Variants in ZSCAN20 observed in about 807,000 individuals in gnomAD.
ZSCAN20 encodes the protein zinc finger and SCAN domain containing 20.
Under a neutral mutation model 97.1 loss-of-function variants are expected in ZSCAN20, and 39 were observed. The observed-to-expected ratio is 0.40, with a 90% CI of 0.31 to 0.52. ZSCAN20 has a LOEUF of 0.52. Among genes scored for constraint, ZSCAN20 ranks in the 20% least tolerant of loss-of-function variants. The probability of loss-of-function intolerance (pLI) is 0.49; values close to 1 mark genes in which losing one functional copy is unlikely to be tolerated. For synonymous variants in ZSCAN20, 456 were observed against 467.3 expected (o/e 0.98, Z 0.31); for missense variants, 1,115 against 1,290.4 (o/e 0.86, Z 2.08).
rs1424762124 is a variant in ZSCAN20 at position 33,497,630 on chromosome 1, T to TGCTGCAATTAGGATGGCCTTTTGGGACAC, written c.*2155_*2183dup. Among the ~76,000 whole-genome samples the TGCTGCAATTAGGATGGCCTTTTGGGACAC allele has an allele frequency of 5.1e-4, 77 of 152,166 alleles. No individual in the cohort carries two copies. Among genetic ancestry groups the TGCTGCAATTAGGATGGCCTTTTGGGACAC allele is most frequent in the Non-Finnish European group, 1.0e-3 (69 of 68,032 alleles). On this transcript the variant is annotated 3_prime_UTR_variant, in exon 8 of 8. Coordinates refer to ENST00000684572, the MANE Select transcript of ZSCAN20 (RefSeq NM_001377376.1). ...CTGACAGCTGAATGGAACTTGGACA[T>TGCTGCAATTAGGATGGCCTTTTGGGACAC]GCTGCAATTAGGATGGCCTTTTGGG...
At position 33,501,164 on chromosome 1, in the gene ZSCAN20, G is replaced by A. The variant is rs1037860095; in HGVS notation, c.*5688G>A. ...CTTGTTCATGACCACGTATGAGGTC[G>A]CCAACCCAACCCTGTTCCTGAAGTT... is the stretch of plus-strand genomic sequence containing the variant. On this transcript the variant is annotated 3_prime_UTR_variant, in exon 8 of 8. Coordinates refer to ENST00000684572, the MANE Select transcript of ZSCAN20 (RefSeq NM_001377376.1). Among the ~76,000 whole-genome samples, 3 of 152,116 alleles carry A rather than the reference G, an allele frequency of 2.0e-5. No homozygotes were observed. The highest frequency in any genetic ancestry group is 4.4e-5 in the Non-Finnish European group (3 of 68,016).
At chr1:33,473,492 T>C (rs1241495405) in intron 1 of ZSCAN20, among the ~76,000 whole-genome samples, 19 of 152,036 alleles carry the variant, frequency 1.2e-4, no homozygotes, top group Admixed American at 1.2e-3. Context: ...CCAAACACCT[T>C]GTCCTTCATA....
At position 33,495,096 on chromosome 1, in the gene ZSCAN20, C is replaced by T. The variant is rs201829951; in HGVS notation, c.2752C>T (p.Leu918=). Residue 918 remains leucine (L), a synonymous_variant, in exon 8 of 8, where the codon CTG becomes TTG. Coordinates refer to ENST00000684572, the MANE Select transcript of ZSCAN20 (RefSeq NM_001377376.1). ...GAAAAGCTTCAGTAAGAGCTCCACC[C>T]TGGCCAACCACCAGCGCACCCACAC... ...CGKSFSKSST[L]ANHQRTHTGE... is the part of the protein sequence containing the mutation. The T allele has an allele frequency of 6.2e-4, 1,001 of 1,612,792 alleles. 4 individuals are homozygous for T. Among genetic ancestry groups the T allele is most frequent in the Middle Eastern group, 2.1e-3 (13 of 6,058 alleles).
chr1:33,494,027 G>A (rs915080785), intron 7 of ZSCAN20, among the ~76,000 whole-genome samples, 191 bp from the exon 8 acceptor site: 1 of 152,206 alleles, frequency 6.6e-6, no homozygotes, highest in Non-Finnish European at 1.5e-5. Context: ...AGCTTTGCAG[G>A]TCACAAACAC....
At chr1:33,478,599 A>G (rs943929047) in intron 1 of ZSCAN20, among the ~76,000 whole-genome samples, 3 of 152,118 alleles carry the variant, frequency 2.0e-5, no homozygotes, top group African/African-American at 7.2e-5. Flanking sequence ...AGTCATGTAT[A>G]GGGATGATGA....
At chr1:33,477,763 G>C (rs756298350) in intron 1 of ZSCAN20, among the ~76,000 whole-genome samples, 6 of 151,196 alleles carry the variant, frequency 4.0e-5, no homozygotes, top group Admixed American at 6.6e-5. Flanking sequence ...CTTCCTATAT[G>C]TGCTGAGCAC....
At position 33,498,459 on chromosome 1, in the gene ZSCAN20, C is replaced by G. The variant is rs1339070335; in HGVS notation, c.*2983C>G. ...TCTACCTGACTTCCTTTGGAAGAAGCACTCTTTCAGGGGGCTTCAGTGTTC... is the reference window on the plus strand; with the variant it reads ...TCTACCTGACTTCCTTTGGAAGAAGGACTCTTTCAGGGGGCTTCAGTGTTC... On this transcript the variant is annotated 3_prime_UTR_variant, in exon 8 of 8. Transcript: ENST00000684572. Among the ~76,000 whole-genome samples, 3 of 152,212 alleles carry G rather than the reference C, an allele frequency of 2.0e-5. No homozygotes were observed. Among genetic ancestry groups the G allele is most frequent in the Non-Finnish European group, 4.4e-5 (3 of 68,022 alleles).
intron 1 of ZSCAN20, among the ~76,000 whole-genome samples, chr1:33,476,245 C>T (rs941101248): frequency 3.3e-5 from 5 of 152,146 alleles, no homozygotes; most frequent in Non-Finnish European, 5.9e-5. Context: ...GGCTGTTGGC[C>T]GACTCTGTTG....
Position 33,500,203 on chromosome 1 carries a change from G to A in ZSCAN20, c.*4727G>A, listed in dbSNP as rs77789679. Among the ~76,000 whole-genome samples, 21 of 152,192 alleles carry A rather than the reference G, an allele frequency of 1.4e-4. No homozygotes were observed. In the East Asian group the frequency reaches 3.5e-3, roughly 25 times the overall value. ...TACCTCCAAATAAATGCATGTTTTC[G>A]GGGGGCAAAGGCAGGTTCCTTCCTT... On this transcript the variant is annotated 3_prime_UTR_variant, in exon 8 of 8. Coordinates refer to ENST00000684572, the MANE Select transcript of ZSCAN20 (RefSeq NM_001377376.1).
At chr1:33,494,180 T>C in intron 7 of ZSCAN20, 38 bp from the exon 8 acceptor site, 6 of 1,524,860 alleles carry the variant, frequency 3.9e-6, no homozygotes, top group East Asian at 4.5e-5. Flanking sequence ...CGCGCGCTAA[T>C]GAGTGAAGAA....
intron 2 of ZSCAN20, among the ~76,000 whole-genome samples, chr1:33,484,175 AT>A (rs1652264845): frequency 6.6e-6 from 1 of 152,176 alleles, no homozygotes; most frequent in African/African-American, 2.4e-5. Context: ...TTTCTTCCCA[AT>A]CTACGTACCT....
chr1:33,494,604 A>C lies in ZSCAN20; in HGVS notation c.2260A>C (p.Asn754His). 1 of 1,614,014 alleles carries C rather than the reference A, an allele frequency of 6.2e-7. No individual in the cohort carries two copies. ...AAACTTTAGTGACCGCTCTAACCTC[A>C]ATACCCATCAGAGAATCCACACTGG... Reference protein sequence around the residue: ...GKNFSDRSNLNTHQRIHTGEK... With the variant: ...GKNFSDRSNLHTHQRIHTGEK... The change falls in exon 8 of 8, where the codon AAT becomes CAT. Residue 754 changes from asparagine (N) to histidine (H), a missense_variant. Around this residue, in one of 3 missense-constraint regions of ZSCAN20, gnomAD observed 554 missense variants for 584.9 expected, o/e 0.95. Transcript: ENST00000684572.
At chr1:33,484,858 G>A (rs557616643) in intron 2 of ZSCAN20, among the ~76,000 whole-genome samples, 2 of 152,076 alleles carry the variant, frequency 1.3e-5, no homozygotes, top group African/African-American at 2.4e-5. Flanking sequence ...CTGACTTGGT[G>A]ATCTGCCTGC....
Position 33,501,539 on chromosome 1 carries a change from T to TA in ZSCAN20, c.*6063_*6064insA, listed in dbSNP as rs1183827784. ...TTTCACTTCCCCATTTTCTGTTATTTTTTTTTTTTTTGTGCTGTTATGTAC... is the reference window on the plus strand; with the variant it reads ...TTTCACTTCCCCATTTTCTGTTATTTATTTTTTTTTTTGTGCTGTTATGTAC... On this transcript the variant is annotated 3_prime_UTR_variant, in exon 8 of 8. Transcript: ENST00000684572. Among the ~76,000 whole-genome samples, 5 of 146,968 alleles carry TA rather than the reference T, an allele frequency of 3.4e-5. No individual in the cohort carries two copies. The highest frequency in any genetic ancestry group is 4.2e-4 in the South Asian group (2 of 4,718).
intron 4 of ZSCAN20, 59 bp downstream of exon 4, chr1:33,489,250 C>T: frequency 6.5e-7 from 1 of 1,532,398 alleles, no homozygotes. Context: ...CTTGCCCCCA[C>T]AGTGTTCCTC....
intron 1 of ZSCAN20, among the ~76,000 whole-genome samples, chr1:33,478,199 G>T (rs182157353): frequency 1.3e-5 from 2 of 152,274 alleles, no homozygotes; most frequent in East Asian, 3.9e-4. Flanking sequence ...TTTGGTTGTT[G>T]TGCAAACAAT....
intron 2 of ZSCAN20, among the ~76,000 whole-genome samples, chr1:33,480,282 G>A (rs560766055): frequency 4.5e-4 from 69 of 152,210 alleles, no homozygotes; most frequent in Non-Finnish European, 8.4e-4. Flanking sequence ...GTTGAGGCAG[G>A]TGGATTGCTT....
chr1:33,479,652 G>A lies in ZSCAN20; in HGVS notation c.364G>A (p.Ala122Thr). ...ACGCCACCCTGAGAGTGGTGAGGAG[G>A]CTGTGGCCTTGGTGGAGGATTGGCA... ...QARHPESGEEAVALVEDWHRE... is the reference protein window; with the variant it reads ...QARHPESGEETVALVEDWHRE... Residue 122 changes from alanine (A) to threonine (T), a missense_variant, in exon 2 of 8, where the codon GCT becomes ACT. This residue lies in a region of ZSCAN20 where 508 missense variants were observed against 611.2 expected (regional missense o/e 0.83). Coordinates refer to ENST00000684572, the MANE Select transcript of ZSCAN20 (RefSeq NM_001377376.1). 6.2e-7 allele frequency: 1 copy of A among 1,601,808 alleles called. No homozygotes were observed. The highest frequency in any genetic ancestry group is 1.1e-5 in the South Asian group (1 of 89,690).
In ZSCAN20 at chr1:33,493,061, C is replaced by G. The variant is rs568486652; in HGVS notation, c.1445-126C>G. 2 of 986,538 alleles carry G rather than the reference C, an allele frequency of 2.0e-6. No individual in the cohort carries two copies. The highest frequency in any genetic ancestry group is 1.7e-5 in the South Asian group (1 of 59,084). The allele number at this position is 986,538 out of a possible 1,614,324, so 61.1% of individuals were successfully genotyped here. ...CCCTGAGAAGCAAAGGGATATTCTC[C>G]AGGTACCTGGATAGTTTCTGACATG... On this transcript the variant is annotated intron_variant, in intron 6 of 7. Coordinates refer to ENST00000684572, the MANE Select transcript of ZSCAN20 (RefSeq NM_001377376.1). The surrounding 1 kb of genome is among the most constrained non-coding windows in gnomAD (Gnocchi z 4.3).
Sources: allele counts gnomAD v4.1 joint callset (sites outside exome capture counted in the v4.1 genomes callset), GRCh38; gene constraint gnomAD v4.1.1; regional missense constraint gnomAD v4.1.1; non-coding constraint Gnocchi (gnomAD v3.1); transcripts MANE v1.5; gene names NCBI Gene and HGNC (gene_info 2026-07-23, HGNC 2026-07-21).